ESR1: variants seen among roughly 807,000 people sequenced by gnomAD.
ESR1 encodes estrogen receptor.
In ESR1, 12 loss-of-function variants were observed where a neutral mutation model predicts 52.7. The observed-to-expected ratio is 0.23, with a 90% confidence interval of 0.15 to 0.37. ESR1 has a LOEUF of 0.37. ESR1 is among the 10% of genes least tolerant of loss of function. The pLI, the probability that ESR1 is intolerant of heterozygous loss-of-function variation, is 1.00. For synonymous variants in ESR1, 305 were observed against 316.8 expected (o/e 0.96, Z 0.39); for missense variants, 584 against 779.7 (o/e 0.75, Z 2.99).
At chr6:151,985,922 G>A (rs1396311244) in intron 4 of ESR1, among the ~76,000 whole-genome samples, 1 of 152,110 alleles carries the variant, frequency 6.6e-6, no homozygotes, top group Non-Finnish European at 1.5e-5. Context: ...ACCTGCCTCA[G>A]CCTCCCAAAG....
intron 3 of ESR1, among the ~76,000 whole-genome samples, chr6:151,914,162 G>C (rs1380739644): frequency 6.6e-6 from 1 of 151,182 alleles, no homozygotes; most frequent in African/African-American, 2.4e-5. Flanking sequence ...TCTACTGTAA[G>C]GAACTTTTTA....
intron 6 of ESR1, among the ~76,000 whole-genome samples, chr6:152,079,539 A>C (rs530231054): frequency 1.6e-4 from 24 of 152,346 alleles, no homozygotes; most frequent in Admixed American, 1.0e-3. Context: ...GGGAGAAACC[A>C]GAGCAGAAAA....
At chr6:151,713,627 G>A (rs1780793491) in intron 2 of ESR1, among the ~76,000 whole-genome samples, 1 of 152,154 alleles carries the variant, frequency 6.6e-6, no homozygotes, top group African/African-American at 2.4e-5. Context: ...TATTTGCGCA[G>A]AGGTGTTTAT....
At chr6:151,712,334 G>A (rs1003467053) in intron 2 of ESR1, among the ~76,000 whole-genome samples, 2 of 151,888 alleles carry the variant, frequency 1.3e-5, no homozygotes, top group Non-Finnish European at 2.9e-5. Context: ...GCTTTTTTTT[G>A]GTTCCATATG....
intron 3 of ESR1, among the ~76,000 whole-genome samples, chr6:151,935,718 G>C (rs1403282440): frequency 1.3e-5 from 2 of 152,224 alleles, no homozygotes; most frequent in Non-Finnish European, 1.5e-5. Context: ...ACACCAATTA[G>C]TTAATTCATT....
At chr6:151,884,504 G>C (rs779610639) in intron 3 of ESR1, among the ~76,000 whole-genome samples, 19 of 152,172 alleles carry the variant, frequency 1.2e-4, no homozygotes, top group Non-Finnish European at 2.6e-4. Flanking sequence ...AAAAAGTTTA[G>C]TTTCAGTTAA....
chr6:151,785,864 T>C (rs1046980379), intron 2 of ESR1, among the ~76,000 whole-genome samples: 1 of 152,208 alleles, frequency 6.6e-6, no homozygotes, highest in African/African-American at 2.4e-5. Context: ...CTTTGTTATC[T>C]GATGCCTGTG....
At chr6:152,043,462 A>G (rs964391114) in intron 5 of ESR1, among the ~76,000 whole-genome samples, 1 of 151,976 alleles carries the variant, frequency 6.6e-6, no homozygotes, top group Non-Finnish European at 1.5e-5. Context: ...AGTGTAGCGC[A>G]CCTCCTTGTG....
chr6:151,801,319 C>A (rs753910294), upstream of ESR1, among the ~76,000 whole-genome samples: 20 of 152,060 alleles, frequency 1.3e-4, no homozygotes, highest in Non-Finnish European at 2.6e-4. Flanking sequence ...CTATTACATG[C>A]AACATAGGTA....
At chr6:151,689,793 C>G (rs1479793349), upstream of ESR1, among the ~76,000 whole-genome samples, 1 of 152,092 alleles carries the variant, frequency 6.6e-6, no homozygotes, top group Admixed American at 6.6e-5. Context: ...TTTAAAAATT[C>G]ATTTAAAGTA....
intron 2 of ESR1, among the ~76,000 whole-genome samples, chr6:151,791,046 C>A (rs1474832551): frequency 3.3e-5 from 5 of 152,142 alleles, no homozygotes; most frequent in Non-Finnish European, 1.5e-5. Context: ...ATCATTGCAT[C>A]TGGTCATGAA....
chr6:151,976,825 G>T (rs1157819744), intron 4 of ESR1, among the ~76,000 whole-genome samples: 1 of 151,904 alleles, frequency 6.6e-6, no homozygotes, highest in Non-Finnish European at 1.5e-5. Context: ...TGTTGATAAT[G>T]CTCTCCCTTT....
intron 6 of ESR1, among the ~76,000 whole-genome samples, chr6:152,080,123 A>C (rs1281927514): frequency 6.6e-6 from 1 of 152,240 alleles, no homozygotes; most frequent in Non-Finnish European, 1.5e-5. Flanking sequence ...CCAACATTCA[A>C]ATTCAGGAAA....
intron 4 of ESR1, among the ~76,000 whole-genome samples, chr6:151,973,497 T>C (rs1372304107): frequency 6.6e-6 from 1 of 152,176 alleles, no homozygotes; most frequent in East Asian, 1.9e-4. Flanking sequence ...GAATCCGCCA[T>C]GTAATTCCTC....
At chr6:152,096,331 A>G (rs2050607031) in intron 7 of ESR1, among the ~76,000 whole-genome samples, 1 of 152,192 alleles carries the variant, frequency 6.6e-6, no homozygotes, top group Non-Finnish European at 1.5e-5. Context: ...GGATTCGATC[A>G]TTTTTAAGGG....
Position 152,061,107 on chromosome 6 carries a change from T to C in ESR1, c.1352T>C (p.Ile451Thr). ...GAGGAGTTTGTGTGCCTCAAATCTA[T>C]TATTTTGCTTAATTCTGGTGAGTTG... is the stretch of plus-strand genomic sequence containing the variant. ...QGEEFVCLKSIILLNSGVYTF... is the reference protein window; with the variant it reads ...QGEEFVCLKSTILLNSGVYTF... Residue 451 changes from isoleucine (I) to threonine (T), a missense_variant, in exon 6 of 8, where the codon ATT becomes ACT. Around this residue, in one of 6 missense-constraint regions of ESR1, gnomAD observed 141 missense variants for 289.3 expected, o/e 0.49. Transcript: ENST00000206249. This position sits in a 1 kb window ranked among gnomAD's most constrained non-coding sequence, Gnocchi z 4.3. The C allele has an allele frequency of 6.2e-7, 1 of 1,614,004 alleles. No individual in the cohort carries two copies. Among genetic ancestry groups the C allele is most frequent in the East Asian group, 2.2e-5 (1 of 44,850 alleles).
At chr6:152,084,269 T>C (rs2049495108) in intron 6 of ESR1, among the ~76,000 whole-genome samples, 2 of 142,962 alleles carry the variant, frequency 1.4e-5, no homozygotes, top group South Asian at 2.2e-4. Flanking sequence ...CCGGGGCCTG[T>C]CAGGGGTTGG....
chr6:152,030,251 A>G (rs1217229014), intron 5 of ESR1, among the ~76,000 whole-genome samples: 1 of 152,220 alleles, frequency 6.6e-6, no homozygotes, highest in African/African-American at 2.4e-5. Flanking sequence ...ATAAGCAGCT[A>G]ACATCATAAT....
chr6:151,923,797 G>A (rs914572285), intron 3 of ESR1, among the ~76,000 whole-genome samples: 1 of 152,140 alleles, frequency 6.6e-6, no homozygotes, highest in Non-Finnish European at 1.5e-5. Flanking sequence ...GTGTGCATGT[G>A]TATTTTCAAA....
Sources: gnomAD v4.1 joint callset for allele counts (sites outside exome capture counted in the v4.1 genomes callset) on GRCh38, gnomAD v4.1.1 for gene constraint, gnomAD v4.1.1 regional missense constraint, Gnocchi (gnomAD v3.1) non-coding constraint, MANE v1.5 for transcripts, NCBI Gene and HGNC (gene_info 2026-07-23, HGNC 2026-07-21) for gene names.